DNMT1: variants seen among roughly 807,000 people sequenced by gnomAD.
DNMT1 encodes the protein DNA (cytosine-5)-methyltransferase 1.
Under a neutral mutation model 205.3 loss-of-function variants are expected in DNMT1, and 24 were observed. The ratio of observed to expected loss-of-function variants is 0.12; its 90% confidence interval spans 0.08 to 0.16. DNMT1 has a LOEUF of 0.16. Among genes scored for constraint, DNMT1 ranks in the 10% least tolerant of loss-of-function variants. DNMT1 has a pLI of 1.00. For synonymous variants in DNMT1, 817 were observed against 839.8 expected (o/e 0.97, Z 0.47); for missense variants, 1,293 against 2,177.7 (o/e 0.59, Z 8.09).
rs367567487 is a variant in DNMT1, at chr19:10,140,713, C to T, written c.3523+68G>A. ...CAGGAAGGTGACCGGGGTTGGAAGT[C>T]GTTTCAGGTAGCACCTGCCCGGTCT... On this transcript the variant is annotated intron_variant, in intron 32 of 40. Coordinates refer to ENST00000359526, the MANE Select transcript of DNMT1 (RefSeq NM_001130823.3). This position sits in a 1 kb window ranked among gnomAD's most constrained non-coding sequence, Gnocchi z 8.4. The T allele has an allele frequency of 1.1e-4, 181 of 1,612,820 alleles. No homozygotes were observed. In the African/African-American group the frequency reaches 2.1e-3, roughly 18 times the overall value.
chr19:10,173,195 G>C (rs2038860390), intron 8 of DNMT1, 21 bp from the exon 9 acceptor site: 3 of 1,613,738 alleles, frequency 1.9e-6, no homozygotes, highest in Non-Finnish European at 1.7e-6. Context: ...AAATAACACA[G>C]ACCCCAAGTG....
rs747144567 is a variant in DNMT1, at chr19:10,138,555, G to A, written c.3999C>T (p.Ala1333=). 67 of 1,610,576 alleles carry A rather than the reference G, an allele frequency of 4.2e-5. No homozygotes were observed. The highest frequency in any genetic ancestry group is 2.7e-4 in the East Asian group (12 of 44,896). Residue 1333 remains alanine, a synonymous_variant, in exon 35 of 41, where the codon GCC becomes GCT. Coordinates refer to ENST00000359526, the MANE Select transcript of DNMT1 (RefSeq NM_001130823.3). The surrounding 1 kb of genome is among the most constrained non-coding windows in gnomAD (Gnocchi z 4.1). ...GAGGGAGCTTCTCTCCAGGGGCCGC[G>A]GCCAGGATGATGGCCCGCCTCCTAG... ...AQTRRRAIIL[A]AAPGEKLPLF...
At chr19:10,136,930 T>C (rs544922881) in intron 37 of DNMT1, 155 bp downstream of exon 37, 154 of 1,052,590 alleles carry the variant, frequency 1.5e-4, no homozygotes, top group Non-Finnish European at 2.0e-4. Context: ...CCAGCCTGCT[T>C]TTACTACTCA....
At position 10,138,552 on chromosome 19, in the gene DNMT1, C is replaced by T. The variant is rs372988540; in HGVS notation, c.4002G>A (p.Ala1334=). 10 of 1,610,942 alleles carry T rather than the reference C, an allele frequency of 6.2e-6. No individual in the cohort carries two copies. Among genetic ancestry groups the T allele is most frequent in the African/African-American group, 2.7e-5 (2 of 74,930 alleles). Residue 1334 remains alanine (A), a synonymous_variant, in exon 35 of 41, where the codon GCG becomes GCA. Transcript: ENST00000359526. This position sits in a 1 kb window ranked among gnomAD's most constrained non-coding sequence, Gnocchi z 4.1. ...ACAGAGGGAGCTTCTCTCCAGGGGC[C>T]GCGGCCAGGATGATGGCCCGCCTCC... ...QTRRRAIILA[A]APGEKLPLFP...
In DNMT1 at chr19:10,157,543, C is replaced by G. The variant is rs1202401556; in HGVS notation, c.1281-1034G>C. The stretch of plus-strand genomic sequence containing the variant: ...ACAAACCTGCTCATCTAGACAAGGA[C>G]CACCCTTTCCCGGCCAAAGATGCTG... On this transcript the variant is annotated intron_variant, in intron 17 of 40. Transcript: ENST00000359526. Among the ~76,000 whole-genome samples the G allele has an allele frequency of 3.3e-5, 5 of 152,146 alleles. No homozygotes were observed. In the East Asian group the frequency reaches 7.7e-4, roughly 23 times the overall value.
chr19:10,188,978 C>T (rs2039248577), intron 1 of DNMT1, among the ~76,000 whole-genome samples: 2 of 152,206 alleles, frequency 1.3e-5, no homozygotes, highest in Admixed American at 6.6e-5. Flanking sequence ...ATGCAGCCTG[C>T]TTACACCTTG....
intron 10 of DNMT1, among the ~76,000 whole-genome samples, chr19:10,167,338 G>A (rs1326883247): frequency 6.6e-6 from 1 of 151,954 alleles, no homozygotes; most frequent in Non-Finnish European, 1.5e-5. Context: ...TGGGACCACA[G>A]GCATGCACCA....
chr19:10,133,399 T>C lies in DNMT1; in HGVS notation c.*268A>G, dbSNP rs1242224311. The C allele has an allele frequency of 3.7e-6, 2 of 542,270 alleles. No homozygotes were observed. The highest frequency in any genetic ancestry group is 2.4e-5 in the South Asian group (1 of 42,056). 33.6% of individuals were successfully genotyped at this position (542,270 alleles called of 1,614,324 possible). ...AATATTACAACATATAAAAACTACA[T>C]AAAGTCTTAATTTCCACTCATACAG... On this transcript the variant is annotated 3_prime_UTR_variant, in exon 41 of 41. Transcript: ENST00000359526. This position sits in a 1 kb window ranked among gnomAD's most constrained non-coding sequence, Gnocchi z 4.1.
Position 10,135,083 on chromosome 19 carries a change from A to G in DNMT1, c.4773+653T>C, listed in dbSNP as rs137916781. Among the ~76,000 whole-genome samples, 1,145 of 151,936 alleles carry G rather than the reference A, an allele frequency of 7.5e-3. 18 individuals carry two copies. The highest frequency in any genetic ancestry group is 0.026 in the African/African-American group (1,079 of 41,420). On this transcript the variant is annotated intron_variant, in intron 39 of 40. Transcript: ENST00000359526. ...AAAAATTAGCCGGGTGTGGTAGCAC[A>G]TGACTGTAATCCCAGCTACTCAAGA...
Position 10,155,898 on chromosome 19 carries a change from T to C in DNMT1, c.1447A>G (p.Thr483Ala). 1 of 1,613,924 alleles carries C rather than the reference T, an allele frequency of 6.2e-7. No homozygotes were observed. Residue 483 changes from threonine (T) to alanine (A), a missense_variant, in exon 19 of 41, where the codon ACT (threonine) becomes GCT (alanine). Coordinates refer to ENST00000359526, the MANE Select transcript of DNMT1 (RefSeq NM_001130823.3). ...GCCTTTTCACCTCCATCAAAGCCAGTGATCCACCATTCATTTATGGGGCCA... is the reference window on the plus strand; with the variant it reads ...GCCTTTTCACCTCCATCAAAGCCAGCGATCCACCATTCATTTATGGGGCCA... ...NLGPINEWWI[T>A]GFDGGEKALI...
chr19:10,149,682 G>A (rs376083429), intron 25 of DNMT1, 25 bp from the exon 26 acceptor site: 110 of 1,613,050 alleles, frequency 6.8e-5, no homozygotes, highest in Middle Eastern at 1.9e-4. Context: ...CGGGCATGGG[G>A]AGAAAGTTCT....
chr19:10,155,423 T>C (rs537477639), intron 19 of DNMT1, among the ~76,000 whole-genome samples: 1 of 152,114 alleles, frequency 6.6e-6, no homozygotes, highest in African/African-American at 2.4e-5. Context: ...CTGCAACCTC[T>C]GTCTGCTGGG....
In DNMT1 at chr19:10,137,940, A is replaced by G. The variant is rs777085751; in HGVS notation, c.4185T>C (p.Asn1395=). The change falls in exon 36 of 41, where the codon AAT becomes AAC. Residue 1395 remains asparagine (N), a synonymous_variant. Coordinates refer to ENST00000359526, the MANE Select transcript of DNMT1 (RefSeq NM_001130823.3). This position sits in a 1 kb window ranked among gnomAD's most constrained non-coding sequence, Gnocchi z 6.4. The part of the protein sequence containing the change: ...DTMSDLPEVR[N]GASALEISYN... ...AGGAGATCTCCAGTGCCGAGGCTCC[A>G]TTCCGCACCTCCGGCAGGTCGGACA... The G allele has an allele frequency of 1.4e-5, 23 of 1,612,460 alleles. No homozygotes were observed. Among genetic ancestry groups the G allele is most frequent in the Non-Finnish European group, 1.9e-5 (23 of 1,179,514 alleles).
chr19:10,181,975 T>C (rs2039054582), intron 2 of DNMT1, 66 bp downstream of exon 2: 7 of 1,444,144 alleles, frequency 4.8e-6, no homozygotes, highest in Non-Finnish European at 6.7e-6. Context: ...AACAAATTTC[T>C]TTTTATGAGC....
At chr19:10,174,360 G>A (rs1041886597) in intron 7 of DNMT1, among the ~76,000 whole-genome samples, 1 of 152,088 alleles carries the variant, frequency 6.6e-6, no homozygotes, top group Non-Finnish European at 1.5e-5. Flanking sequence ...AGGCTGCAGT[G>A]AGCCATGACT....
intron 13 of DNMT1, 107 bp from the exon 14 acceptor site, chr19:10,160,525 G>C (rs1315028405): frequency 5.6e-6 from 7 of 1,252,442 alleles, no homozygotes; most frequent in Non-Finnish European, 8.0e-6. Context: ...AAAACAGAGA[G>C]AAGGGGAGGG....
At chr19:10,171,225 T>C (rs1008440663) in intron 9 of DNMT1, among the ~76,000 whole-genome samples, 5 of 152,138 alleles carry the variant, frequency 3.3e-5, no homozygotes, top group Non-Finnish European at 5.9e-5. Flanking sequence ...GGGAAAGAGC[T>C]GGTCTGACTT....
Position 10,159,699 on chromosome 19 carries a change from C to T in DNMT1, c.1239G>A (p.Glu413=), listed in dbSNP as rs1202952491. The change falls in exon 17 of 41, where the codon GAG becomes GAA. Residue 413 remains glutamate, a synonymous_variant. Coordinates refer to ENST00000359526, the MANE Select transcript of DNMT1 (RefSeq NM_001130823.3). This position sits in a 1 kb window ranked among gnomAD's most constrained non-coding sequence, Gnocchi z 5.0. Reference sequence around the variant, plus strand: ...TGTGCTGGGGAAGCGCCTCATAACTCTCAAAGCCAGACTCGTTGGCATCAA... The same window carrying T: ...TGTGCTGGGGAAGCGCCTCATAACTTTCAAAGCCAGACTCGTTGGCATCAA... ...SIFDANESGF[E]SYEALPQHKL... is the part of the protein sequence containing the mutation. The T allele has an allele frequency of 6.2e-7, 1 of 1,614,234 alleles. No individual in the cohort carries two copies. Among genetic ancestry groups the T allele is most frequent in the African/African-American group, 1.3e-5 (1 of 75,060 alleles).
At position 10,154,760 on chromosome 19, in the gene DNMT1, G is replaced by C; in HGVS notation, c.1658C>G (p.Pro553Arg). The change falls in exon 21 of 41, where the codon CCT becomes CGT. Residue 553 changes from proline (P) to arginine (R), a missense_variant. Transcript: ENST00000359526. The surrounding 1 kb of genome is among the most constrained non-coding windows in gnomAD (Gnocchi z 6.3). ...LINKIETTVP[P>R]SGLNLNRFTE... Reference sequence around the variant, plus strand: ...GAAGCGGTTCAAGTTGAGGCCAGAAGGAGGAACCGTGGTCTTGAAAGAGAA... The same window carrying C: ...GAAGCGGTTCAAGTTGAGGCCAGAACGAGGAACCGTGGTCTTGAAAGAGAA... The C allele has an allele frequency of 6.2e-7, 1 of 1,614,246 alleles. No individual in the cohort carries two copies. The highest frequency in any genetic ancestry group is 8.5e-7 in the Non-Finnish European group (1 of 1,180,046).
Sources: allele counts gnomAD v4.1 joint callset (sites outside exome capture counted in the v4.1 genomes callset), GRCh38; gene constraint gnomAD v4.1.1; non-coding constraint Gnocchi (gnomAD v3.1); transcripts MANE v1.5; gene names NCBI Gene and HGNC (gene_info 2026-07-23, HGNC 2026-07-21).